DCTN4: variants seen among roughly 807,000 people sequenced by gnomAD.
DCTN4 encodes dynactin subunit 4.
In DCTN4, 23 loss-of-function variants were observed where a neutral mutation model predicts 62.7. That is an observed-to-expected ratio of 0.37 (90% CI 0.26 to 0.52). The LOEUF (loss-of-function observed/expected upper bound fraction) is 0.52, where lower values mean the gene tolerates loss of function less well. Ranked by LOEUF, DCTN4 falls within the 20% of genes least tolerant of loss-of-function variation. DCTN4 has a pLI of 0.92. For synonymous variants in DCTN4, 199 were observed against 202.1 expected (o/e 0.98, Z 0.13); for missense variants, 514 against 580.4 (o/e 0.89, Z 1.18).
intron 8 of DCTN4, among the ~76,000 whole-genome samples, chr5:150,723,513 G>C (rs1278817983): frequency 2.0e-5 from 3 of 152,166 alleles, no homozygotes; most frequent in African/African-American, 7.2e-5. Flanking sequence ...CTGTTACCCA[G>C]GCTGGAGTGC....
intron 8 of DCTN4, among the ~76,000 whole-genome samples, chr5:150,729,386 A>T (rs1760274928): frequency 1.3e-5 from 2 of 151,978 alleles, no homozygotes; most frequent in East Asian, 1.9e-4. Context: ...CTCTCAGGTT[A>T]AACAAACAAA....
chr5:150,757,232 T>G (rs1310708233), intron 1 of DCTN4, among the ~76,000 whole-genome samples: 1 of 152,180 alleles, frequency 6.6e-6, no homozygotes, highest in South Asian at 2.1e-4. Flanking sequence ...TTGAAAAGAT[T>G]AATAAAGTTG....
At chr5:150,719,828 AT>A in intron 9 of DCTN4, 58 bp from the exon 10 acceptor site, 4 of 1,171,194 alleles carry the variant, frequency 3.4e-6, no homozygotes, top group East Asian at 2.4e-5. Context: ...AATTATTATT[AT>A]TTTTTAAAGC....
intron 4 of DCTN4, 113 bp downstream of exon 4, chr5:150,742,001 C>T (rs570122599): frequency 3.0e-5 from 26 of 876,466 alleles, no homozygotes; most frequent in Middle Eastern, 2.2e-4. Context: ...TGTGCAAAGA[C>T]GTATTATGGA....
intron 8 of DCTN4, among the ~76,000 whole-genome samples, chr5:150,728,086 A>G (rs995594338): frequency 6.6e-6 from 1 of 152,206 alleles, no homozygotes; most frequent in African/African-American, 2.4e-5. Flanking sequence ...CTGGTAATTC[A>G]TAACTTTTAC....
At chr5:150,741,164 C>CAAAAAAAAAAAAAA (rs754641920) in intron 4 of DCTN4, among the ~76,000 whole-genome samples, 4 of 58,352 alleles carry the variant, frequency 6.9e-5, no homozygotes, top group South Asian at 6.1e-4. Context: ...GATCCTGTCT[C>CAAAAAAAAAAAAAA]AAAAAAAAAA....
At chr5:150,735,969 A>C (rs1197201598) in intron 4 of DCTN4, among the ~76,000 whole-genome samples, 2 of 151,880 alleles carry the variant, frequency 1.3e-5, no homozygotes, top group Non-Finnish European at 2.9e-5. Flanking sequence ...AGAGAAAGAC[A>C]GCATAAATAA....
intron 3 of DCTN4, among the ~76,000 whole-genome samples, chr5:150,752,865 T>G (rs1452375246): frequency 1.3e-5 from 2 of 152,100 alleles, no homozygotes; most frequent in East Asian, 1.9e-4. Context: ...TTTTTATCTT[T>G]AAAGATTTTT....
chr5:150,717,527 C>T (rs1226934482), intron 11 of DCTN4, among the ~76,000 whole-genome samples: 1 of 152,302 alleles, frequency 6.6e-6, no homozygotes, highest in East Asian at 1.9e-4. Context: ...GGATTACAGG[C>T]GTGAGCCACC....
chr5:150,755,478 A>C, intron 2 of DCTN4: 1 of 455,248 alleles, frequency 2.2e-6, no homozygotes, highest in African/African-American at 2.0e-5. Context: ...ACCAACAGTG[A>C]CAAGTCATAA....
intron 5 of DCTN4, chr5:150,731,984 A>C: frequency 2.4e-6 from 3 of 1,272,056 alleles, no homozygotes; most frequent in Non-Finnish European, 3.4e-6. Context: ...CGCATATAGC[A>C]GGCAGGTTAT....
intron 3 of DCTN4, among the ~76,000 whole-genome samples, chr5:150,750,160 G>T (rs1260714501): frequency 6.6e-6 from 1 of 152,108 alleles, no homozygotes; most frequent in Non-Finnish European, 1.5e-5. Flanking sequence ...GTGGCTATGT[G>T]ATTACACACT....
intron 3 of DCTN4, among the ~76,000 whole-genome samples, chr5:150,749,655 T>A (rs914464008): frequency 1.4e-5 from 2 of 143,752 alleles, no homozygotes; most frequent in African/African-American, 5.8e-5. Flanking sequence ...ATCTCTACTT[T>A]AAAAAATAAA....
intron 12 of DCTN4, among the ~76,000 whole-genome samples, chr5:150,713,394 T>TA (rs144947519): frequency 0.022 from 3,314 of 152,048 alleles, 121 homozygotes; most frequent in African/African-American, 0.074. Context: ...CCACGTTTGG[T>TA]ATCACTAAAC....
At chr5:150,736,905 G>A (rs1410373287) in intron 4 of DCTN4, among the ~76,000 whole-genome samples, 3 of 152,130 alleles carry the variant, frequency 2.0e-5, no homozygotes, top group African/African-American at 7.2e-5. Context: ...TAAACTTATG[G>A]TAAAGGGGTA....
intron 3 of DCTN4, among the ~76,000 whole-genome samples, chr5:150,747,385 A>G (rs1368094573): frequency 6.6e-6 from 1 of 152,244 alleles, no homozygotes. Context: ...GATAGATTCA[A>G]TGCCATCCCC....
intron 1 of DCTN4, chr5:150,758,550 C>T (rs935646384): frequency 2.3e-5 from 24 of 1,064,608 alleles, no homozygotes; most frequent in Non-Finnish European, 2.5e-5. Context: ...CTGAACTAAG[C>T]ACCCCCAGAC....
chr5:150,740,266 T>C (rs182072989), intron 4 of DCTN4, among the ~76,000 whole-genome samples: 1 of 151,746 alleles, frequency 6.6e-6, no homozygotes, highest in South Asian at 2.1e-4. Context: ...GCAGAGGACA[T>C]GAATAGACAT....
In DCTN4 at chr5:150,731,435, T is replaced by C. The variant is rs1488820738; in HGVS notation, c.592A>G (p.Ser198Gly). 6.2e-6 allele frequency: 10 copies of C among 1,613,914 alleles called. No homozygotes were observed. The highest frequency in any genetic ancestry group is 4.2e-6 in the Non-Finnish European group (5 of 1,180,024). ...ACTTACGAAAGTCCGGCAAGGGTAC[T>C]GATGGATGCACCAGCTCGTGGTCGC... ...LQRPRAGASI[S>G]TLAGLSLKEG... The change falls in exon 6 of 13, where the codon AGT becomes GGT. Residue 198 changes from serine (S) to glycine (G), a missense_variant. Physicochemically the swap from Ser to Gly is moderately conservative, Grantham distance 56. Transcript: ENST00000447998.
Sources: gnomAD v4.1 joint callset for allele counts (sites outside exome capture counted in the v4.1 genomes callset) on GRCh38, gnomAD v4.1.1 for gene constraint, MANE v1.5 for transcripts, NCBI Gene and HGNC (gene_info 2026-07-23, HGNC 2026-07-21) for gene names.